The following NRXN1 variants were observed in gnomAD, a reference collection of about 807,000 sequenced individuals.
NRXN1 encodes neurexin 1.
Under a neutral mutation model 150.9 loss-of-function variants are expected in NRXN1, and 39 were observed. That is an observed-to-expected ratio of 0.26 (90% CI 0.20 to 0.34). The LOEUF is 0.34. Ranked by LOEUF, NRXN1 falls within the 10% of genes least tolerant of loss-of-function variation. The probability of loss-of-function intolerance (pLI) is 1.00; values close to 1 mark genes in which losing one functional copy is unlikely to be tolerated. For missense variants in NRXN1, 1,815 were observed against 1,949.9 expected, an observed-to-expected ratio of 0.93 and a Z score of 1.30; for synonymous variants, 924 against 757.0, an observed-to-expected ratio of 1.22 and a Z score of -3.62.
chr2:50,279,268 C>T (rs766991097), intron 17 of NRXN1, among the ~76,000 whole-genome samples: 1 of 152,118 alleles, frequency 6.6e-6, no homozygotes, highest in African/African-American at 2.4e-5. Context: ...ATAATAATAT[C>T]ACTGTCAACA....
At chr2:50,106,727 A>T (rs771162459) in intron 18 of NRXN1, among the ~76,000 whole-genome samples, 5 of 151,986 alleles carry the variant, frequency 3.3e-5, no homozygotes, top group Non-Finnish European at 7.4e-5. Flanking sequence ...CTTTGTGATC[A>T]CAAGTTATTT....
intron 17 of NRXN1, among the ~76,000 whole-genome samples, chr2:50,377,938 A>T (rs2080648999): frequency 6.6e-6 from 1 of 152,202 alleles, no homozygotes; most frequent in Admixed American, 6.6e-5. Context: ...GGGAAGAGCC[A>T]GCAGTAATCA....
chr2:50,769,836 G>A (rs1172988418), intron 5 of NRXN1, among the ~76,000 whole-genome samples: 2 of 152,054 alleles, frequency 1.3e-5, no homozygotes, highest in Non-Finnish European at 2.9e-5. Context: ...AAAACTGACA[G>A]CCTAGACAAA....
At chr2:50,742,178 TA>T (rs1325046772) in intron 5 of NRXN1, among the ~76,000 whole-genome samples, 1 of 152,138 alleles carries the variant, frequency 6.6e-6, no homozygotes, top group Non-Finnish European at 1.5e-5. Flanking sequence ...AAGTAAAGCT[TA>T]AACCTTTGAC....
intron 20 of NRXN1, among the ~76,000 whole-genome samples, 184 bp from the exon 21 acceptor site, chr2:50,053,774 C>T (rs1372872446): frequency 6.6e-5 from 10 of 152,106 alleles, no homozygotes; most frequent in Non-Finnish European, 4.4e-5. Flanking sequence ...TTGGCAAATA[C>T]TTGTAAATTC....
At chr2:51,016,829 C>T (rs962236699) in intron 2 of NRXN1, among the ~76,000 whole-genome samples, 3 of 152,042 alleles carry the variant, frequency 2.0e-5, no homozygotes, top group Non-Finnish European at 4.4e-5. Context: ...GCACTATGCA[C>T]AATTGCAAAG....
At chr2:50,989,830 T>C (rs1179162954) in intron 2 of NRXN1, among the ~76,000 whole-genome samples, 1 of 152,042 alleles carries the variant, frequency 6.6e-6, no homozygotes, top group Non-Finnish European at 1.5e-5. Flanking sequence ...TCTTTGCTAA[T>C]ATGTAGGAGT....
At chr2:50,955,721 T>C (rs148669701) in intron 2 of NRXN1, among the ~76,000 whole-genome samples, 18 of 152,356 alleles carry the variant, frequency 1.2e-4, no homozygotes, top group African/African-American at 4.3e-4. Flanking sequence ...GAAGCTGCCT[T>C]TCTTTTTTAC....
At chr2:50,874,192 C>A (rs1678218465) in intron 5 of NRXN1, among the ~76,000 whole-genome samples, 1 of 151,802 alleles carries the variant, frequency 6.6e-6, no homozygotes, top group Admixed American at 6.6e-5. Flanking sequence ...AGTTCAGATG[C>A]CATCTTGATT....
intron 2 of NRXN1, among the ~76,000 whole-genome samples, chr2:51,017,091 C>A (rs1223388458): frequency 2.6e-5 from 4 of 151,306 alleles, no homozygotes; most frequent in Non-Finnish European, 5.9e-5. Context: ...ACAGCACACA[C>A]TGGGGCCTGT....
intron 18 of NRXN1, among the ~76,000 whole-genome samples, chr2:50,177,801 C>A (rs1559035898): frequency 6.6e-6 from 1 of 151,438 alleles, no homozygotes; most frequent in African/African-American, 2.4e-5. Context: ...CTCTCTCTCT[C>A]TCTCTCTCTC....
chr2:50,996,047 A>G (rs1251896713), intron 2 of NRXN1, among the ~76,000 whole-genome samples: 1 of 152,126 alleles, frequency 6.6e-6, no homozygotes, highest in Non-Finnish European at 1.5e-5. Flanking sequence ...TACGTGGAAT[A>G]TCTATGACTT....
intron 8 of NRXN1, chr2:50,619,786 A>G (rs911493444): frequency 1.1e-5 from 5 of 435,826 alleles, no homozygotes; most frequent in African/African-American, 1.0e-4. Context: ...AACTGTCCAC[A>G]CAAATCTCAA....
intron 22 of NRXN1, among the ~76,000 whole-genome samples, chr2:49,928,520 T>C (rs1274841670): frequency 6.6e-6 from 1 of 152,258 alleles, no homozygotes; most frequent in African/African-American, 2.4e-5. Flanking sequence ...AAGATTTGAC[T>C]TTTCCAATAC....
intron 8 of NRXN1, among the ~76,000 whole-genome samples, chr2:50,607,149 A>G (rs1024892196): frequency 2.6e-5 from 4 of 152,206 alleles, no homozygotes; most frequent in Non-Finnish European, 5.9e-5. Context: ...GATGTCCTAA[A>G]GAAAATGTGA....
At chr2:49,979,796 T>G (rs1679655763) in intron 21 of NRXN1, among the ~76,000 whole-genome samples, 1 of 152,254 alleles carries the variant, frequency 6.6e-6, no homozygotes, top group East Asian at 1.9e-4. Flanking sequence ...TGGAGTACCA[T>G]TAAATTCCTA....
intron 21 of NRXN1, among the ~76,000 whole-genome samples, chr2:49,992,019 C>T (rs967556813): frequency 1.3e-5 from 2 of 152,132 alleles, no homozygotes; most frequent in African/African-American, 2.4e-5. Flanking sequence ...GGTGCTAGAA[C>T]AACTAGACAT....
chr2:50,612,848 G>A (rs565866845), intron 8 of NRXN1, among the ~76,000 whole-genome samples: 47 of 152,128 alleles, frequency 3.1e-4, no homozygotes, highest in African/African-American at 7.5e-4. Context: ...ATTAACCTGC[G>A]TGCGTTATTG....
intron 2 of NRXN1, among the ~76,000 whole-genome samples, chr2:50,975,843 C>A (rs1386387512): frequency 2.0e-5 from 3 of 151,986 alleles, no homozygotes; most frequent in Non-Finnish European, 4.4e-5. Context: ...GAAGGGCTAA[C>A]CCAAGAGCAG....
Sources: allele counts gnomAD v4.1 joint callset (sites outside exome capture counted in the v4.1 genomes callset), GRCh38; gene constraint gnomAD v4.1.1; transcripts MANE v1.5; gene names NCBI Gene and HGNC (gene_info 2026-07-23, HGNC 2026-07-21).